Variants in MCF2L2 observed in about 807,000 individuals in gnomAD.
MCF2L2 encodes probable guanine nucleotide exchange factor MCF2L2.
In MCF2L2, 102 loss-of-function variants were observed where a neutral mutation model predicts 150.2. The ratio of observed to expected loss-of-function variants is 0.68; its 90% CI spans 0.58 to 0.80. The LOEUF is 0.80. Ranked by LOEUF, MCF2L2 falls within the 30% of genes least tolerant of loss-of-function variation. The pLI, the probability that MCF2L2 is intolerant of heterozygous loss-of-function variation, is 0.00. For synonymous variants in MCF2L2, 465 were observed against 491.3 expected (o/e 0.95, Z 0.71); for missense variants, 1,256 against 1,372.8 (o/e 0.91, Z 1.34).
At chr3:183,219,701 T>G (rs1048107787) in intron 21 of MCF2L2, among the ~76,000 whole-genome samples, 155 bp downstream of exon 21, 1 of 152,182 alleles carries the variant, frequency 6.6e-6, no homozygotes, top group African/African-American at 2.4e-5. Flanking sequence ...TTAATTTTTT[T>G]GTTTTTTTTC....
intron 25 of MCF2L2, among the ~76,000 whole-genome samples, chr3:183,201,486 G>T (rs1722281895): frequency 6.6e-6 from 1 of 152,294 alleles, no homozygotes; most frequent in South Asian, 2.1e-4. Context: ...TGTATACTGA[G>T]ACTTTGCTGA....
intron 27 of MCF2L2, among the ~76,000 whole-genome samples, chr3:183,182,009 C>CAG (rs1721541158): frequency 6.6e-6 from 1 of 152,182 alleles, no homozygotes; most frequent in African/African-American, 2.4e-5. Context: ...CTGGAGCTGG[C>CAG]AGCTGCTTTC....
At chr3:183,398,376 C>CA (rs1714572892) in intron 1 of MCF2L2, among the ~76,000 whole-genome samples, 1 of 152,142 alleles carries the variant, frequency 6.6e-6, no homozygotes, top group South Asian at 2.1e-4. Flanking sequence ...TAGAGGCAGC[C>CA]AGGGTCCCTA....
intron 3 of MCF2L2, among the ~76,000 whole-genome samples, chr3:183,349,554 A>C (rs1375879993): frequency 6.6e-6 from 1 of 152,262 alleles, no homozygotes; most frequent in African/African-American, 2.4e-5. Flanking sequence ...AAACGTGTGA[A>C]CGTCAAACAC....
At chr3:183,302,214 C>T (rs1330904015) in intron 10 of MCF2L2, among the ~76,000 whole-genome samples, 7 of 152,330 alleles carry the variant, frequency 4.6e-5, no homozygotes, top group Non-Finnish European at 1.5e-5. Flanking sequence ...GACTTCACCT[C>T]GCATGCCTTT....
At chr3:183,242,309 G>A (rs978758494) in intron 15 of MCF2L2, among the ~76,000 whole-genome samples, 1 of 152,206 alleles carries the variant, frequency 6.6e-6, no homozygotes, top group African/African-American at 2.4e-5. Context: ...TAATCACCAA[G>A]ACAAAGGGGA....
intron 5 of MCF2L2, among the ~76,000 whole-genome samples, chr3:183,324,122 G>C (rs1172161391): frequency 1.3e-5 from 2 of 152,198 alleles, no homozygotes; most frequent in Non-Finnish European, 2.9e-5. Context: ...CAAAGAGTAT[G>C]CATTGAAAAG....
chr3:183,280,558 G>T (rs1156512085), intron 14 of MCF2L2, among the ~76,000 whole-genome samples: 1 of 151,916 alleles, frequency 6.6e-6, no homozygotes, highest in Non-Finnish European at 1.5e-5. Context: ...TTAAAGCAAG[G>T]GTATCTGGGC....
chr3:183,194,637 C>A (rs1480110527), intron 26 of MCF2L2, among the ~76,000 whole-genome samples: 1 of 152,182 alleles, frequency 6.6e-6, no homozygotes, highest in Non-Finnish European at 1.5e-5. Context: ...ACTGGCAGAT[C>A]TACCTCAACT....
At chr3:183,398,878 T>C (rs1714600358) in intron 1 of MCF2L2, among the ~76,000 whole-genome samples, 1 of 152,132 alleles carries the variant, frequency 6.6e-6, no homozygotes, top group Admixed American at 6.5e-5. Flanking sequence ...CTAAAGAATA[T>C]AGGTGAATGT....
At chr3:183,205,197 G>T (rs1174121031) in intron 25 of MCF2L2, among the ~76,000 whole-genome samples, 1 of 152,104 alleles carries the variant, frequency 6.6e-6, no homozygotes, top group Non-Finnish European at 1.5e-5. Flanking sequence ...TGCCCAACAT[G>T]GTGACACCCT....
At chr3:183,343,719 TATG>T (rs1730791515) in intron 3 of MCF2L2, among the ~76,000 whole-genome samples, 1 of 152,186 alleles carries the variant, frequency 6.6e-6, no homozygotes, top group Admixed American at 6.5e-5. Context: ...ATGTAAATGT[TATG>T]TAAACGTTAA....
chr3:183,384,757 A>G (rs1199822864), intron 2 of MCF2L2, among the ~76,000 whole-genome samples: 1 of 152,148 alleles, frequency 6.6e-6, no homozygotes, highest in East Asian at 1.9e-4. Context: ...CTCTATTGTA[A>G]TTCCCCTGGT....
intron 1 of MCF2L2, among the ~76,000 whole-genome samples, chr3:183,420,419 G>C (rs557386772): frequency 1.8e-4 from 28 of 152,224 alleles, no homozygotes; most frequent in African/African-American, 6.5e-4. Context: ...GACCAATATG[G>C]TGAAACTCTG....
chr3:183,403,890 A>G, intron 1 of MCF2L2, among the ~76,000 whole-genome samples: 1 of 152,294 alleles, frequency 6.6e-6, no homozygotes, highest in Non-Finnish European at 1.5e-5. Flanking sequence ...AGTTTGTGTC[A>G]AAGTTATATC....
intron 27 of MCF2L2, among the ~76,000 whole-genome samples, chr3:183,190,066 G>A (rs957488660): frequency 2.6e-5 from 4 of 152,294 alleles, no homozygotes; most frequent in Admixed American, 2.0e-4. Flanking sequence ...GTTTTAAATC[G>A]ATAATTAGTC....
intron 1 of MCF2L2, among the ~76,000 whole-genome samples, chr3:183,402,453 A>C (rs1039112804): frequency 8.5e-6 from 1 of 117,574 alleles, no homozygotes; most frequent in African/African-American, 5.1e-5. Flanking sequence ...GACTCCATCA[A>C]AAAAAAAAAA....
chr3:183,333,041 T>C (rs1279099877), intron 5 of MCF2L2, among the ~76,000 whole-genome samples: 2 of 152,196 alleles, frequency 1.3e-5, no homozygotes, highest in East Asian at 1.9e-4. Flanking sequence ...TCTTTCAGGG[T>C]AATTTTATTT....
intron 18 of MCF2L2, chr3:183,226,312 A>C (rs1032710299): frequency 2.0e-5 from 3 of 152,370 alleles, no homozygotes; most frequent in Admixed American, 2.0e-4. Context: ...GCGTGGTGGC[A>C]CATGCCTGTA....
Sources: gnomAD v4.1 joint callset for allele counts (sites outside exome capture counted in the v4.1 genomes callset) on GRCh38, gnomAD v4.1.1 for gene constraint, MANE v1.5 for transcripts, NCBI Gene and HGNC (gene_info 2026-07-23, HGNC 2026-07-21) for gene names.